The following PPARA variants were observed in gnomAD, a reference collection of about 807,000 sequenced individuals.
PPARA encodes peroxisome proliferator-activated receptor alpha.
PPARA carries 22 observed loss-of-function variants against 42.2 expected under a neutral mutation model. That is an observed-to-expected ratio of 0.52 (90% confidence interval 0.37 to 0.74). The LOEUF (loss-of-function observed/expected upper bound fraction) is 0.74. Ranked by LOEUF, PPARA falls within the 30% of genes least tolerant of loss-of-function variation. The pLI, the probability that PPARA is intolerant of heterozygous loss-of-function variation, is 0.00. For missense variants in PPARA, 465 were observed against 608.2 expected, an observed-to-expected ratio of 0.76 and a Z score of 2.48; for synonymous variants, 242 against 239.3, an observed-to-expected ratio of 1.01 and a Z score of -0.10.
rs1459078201 is a variant in PPARA, at chr22:46,162,248, G to C, written c.-127+10278G>C. On this transcript the variant is annotated intron_variant, in intron 2 of 8. Coordinates refer to ENST00000407236, the MANE Select transcript of PPARA (RefSeq NM_005036.6). The surrounding 1 kb of genome is among the most constrained non-coding windows in gnomAD (Gnocchi z 6.0). Reference sequence around the variant, plus strand: ...GTGTGAGCTTGGTAGGTGCTTCCTTGCTTATCATTGCCTCTCCCATCTTAA... The same window carrying C: ...GTGTGAGCTTGGTAGGTGCTTCCTTCCTTATCATTGCCTCTCCCATCTTAA... 6.6e-6 allele frequency among the ~76,000 whole-genome samples: 1 copy of C among 152,112 alleles called. No individual in the cohort carries two copies.
rs1684102315 is a variant in PPARA at position 46,227,344 on chromosome 22, T to G, written c.712-4448T>G. 6.6e-6 allele frequency among the ~76,000 whole-genome samples: 1 copy of G among 152,126 alleles called. No individual in the cohort carries two copies. Among genetic ancestry groups the G allele is most frequent in the African/African-American group, 2.4e-5 (1 of 41,424 alleles). On this transcript the variant is annotated intron_variant, in intron 7 of 8. Transcript: ENST00000407236. The surrounding 1 kb of genome is among the most constrained non-coding windows in gnomAD (Gnocchi z 4.3). ...TCAGCTCACTGCAACCTCCCCCTCC[T>G]GGGTTCAAGCGATTCTCCTGCCTCA...
In PPARA at chr22:46,216,253, G is replaced by C. The variant is rs1015777115; in HGVS notation, c.369+920G>C. Among the ~76,000 whole-genome samples the C allele has an allele frequency of 5.9e-5, 9 of 151,860 alleles. No homozygotes were observed. The highest frequency in any genetic ancestry group is 8.8e-5 in the Non-Finnish European group (6 of 67,954). ...CAAAAATTAGCCAGGTGTGGTGGTG[G>C]GTGCCTGTAATCCCAGCTACTTGGG... is the stretch of plus-strand genomic sequence containing the variant. On this transcript the variant is annotated intron_variant, in intron 5 of 8. Transcript: ENST00000407236. The surrounding 1 kb of genome is among the most constrained non-coding windows in gnomAD (Gnocchi z 4.5).
chr22:46,197,371 G>A (rs186360328), intron 3 of PPARA, among the ~76,000 whole-genome samples: 84 of 152,120 alleles, frequency 5.5e-4, no homozygotes, highest in African/African-American at 8.7e-4. Context: ...TTTTGTCTCC[G>A]CTGTGTCCCC....
chr22:46,198,318 C>A, intron 3 of PPARA, 24 bp from the exon 4 acceptor site: 1 of 1,338,214 alleles, frequency 7.5e-7, no homozygotes, highest in African/African-American at 1.4e-5. Context: ...GTCAGTCTTA[C>A]CAATTGTTCC....
rs564662150 is a variant in PPARA at position 46,160,931 on chromosome 22, A to T, written c.-127+8961A>T. Among the ~76,000 whole-genome samples, 3 of 152,186 alleles carry T rather than the reference A, an allele frequency of 2.0e-5. No homozygotes were observed. Among genetic ancestry groups the T allele is most frequent in the Non-Finnish European group, 4.4e-5 (3 of 68,028 alleles). ...TCTTTCACTCTGGAAACCAAAAATT[A>T]TTGGCTTTTTTTCCTGTTGCATTCC... On this transcript the variant is annotated intron_variant, in intron 2 of 8. Transcript: ENST00000407236. This position sits in a 1 kb window ranked among gnomAD's most constrained non-coding sequence, Gnocchi z 4.5.
In PPARA at chr22:46,232,344, G is replaced by T; in HGVS notation, c.1159+105G>T. ...TACCAGCCTGAGCTGTTCCAGTGGAGGGGACACTCACATGGTGGGAAGACG... is the reference window on the plus strand; with the variant it reads ...TACCAGCCTGAGCTGTTCCAGTGGATGGGACACTCACATGGTGGGAAGACG... On this transcript the variant is annotated intron_variant, in intron 8 of 8. Transcript: ENST00000407236. The surrounding 1 kb of genome is among the most constrained non-coding windows in gnomAD (Gnocchi z 5.3). 8.6e-7 allele frequency: 1 copy of T among 1,168,192 alleles called. No homozygotes were observed. Among genetic ancestry groups the T allele is most frequent in the South Asian group, 1.2e-5 (1 of 81,710 alleles). 72.4% of individuals were successfully genotyped at this position (1,168,192 alleles called of 1,614,324 possible).
chr22:46,155,902 G>A (rs1314183113), intron 2 of PPARA: 1 of 152,260 alleles, frequency 6.6e-6, no homozygotes, highest in South Asian at 2.1e-4. Context: ...CTTTGGAAAG[G>A]AGCACCATGC....
At position 46,235,110 on chromosome 22, in the gene PPARA, T is replaced by G; in HGVS notation, c.1160-23T>G. ...CTTGGGTGATTATCACACTCAAACC[T>G]CTCTCTCTTCTTTCGAGACTAGATC... On this transcript the variant is annotated intron_variant, in intron 8 of 8. Transcript: ENST00000407236. The surrounding 1 kb of genome is among the most constrained non-coding windows in gnomAD (Gnocchi z 7.0). 6.2e-7 allele frequency: 1 copy of G among 1,613,650 alleles called. No individual in the cohort carries two copies. Among genetic ancestry groups the G allele is most frequent in the Non-Finnish European group, 8.5e-7 (1 of 1,179,624 alleles).
chr22:46,176,443 GC>G (rs1929073665), intron 2 of PPARA, among the ~76,000 whole-genome samples: 2 of 152,118 alleles, frequency 1.3e-5, no homozygotes, highest in Admixed American at 1.3e-4. Context: ...CCAAGATCAT[GC>G]CACTGCACTC....
intron 7 of PPARA, among the ~76,000 whole-genome samples, chr22:46,229,460 G>A (rs1175833882): frequency 6.6e-6 from 1 of 152,008 alleles, no homozygotes; most frequent in Non-Finnish European, 1.5e-5. Flanking sequence ...GGCTGAGGCA[G>A]GAGAATTGCT....
At position 46,215,385 on chromosome 22, in the gene PPARA, G is replaced by T. The variant is rs760996388; in HGVS notation, c.369+52G>T. The T allele has an allele frequency of 2.5e-6, 4 of 1,609,308 alleles. No homozygotes were observed. In the African/African-American group the frequency reaches 5.3e-5, roughly 22 times the overall value. ...GTGGCCGCCACCATCAACTACTTAT[G>T]GTCACTTTTATAGCAAATGGCAGTC... On this transcript the variant is annotated intron_variant, in intron 5 of 8. Coordinates refer to ENST00000407236, the MANE Select transcript of PPARA (RefSeq NM_005036.6).
rs1051887120 is a variant in PPARA, at chr22:46,225,319, C to T, written c.711+5305C>T. Among the ~76,000 whole-genome samples, 1 of 152,030 alleles carries T rather than the reference C, an allele frequency of 6.6e-6. No homozygotes were observed. The highest frequency in any genetic ancestry group is 1.5e-5 in the Non-Finnish European group (1 of 68,012). On this transcript the variant is annotated intron_variant, in intron 7 of 8. Transcript: ENST00000407236. The surrounding 1 kb of genome is among the most constrained non-coding windows in gnomAD (Gnocchi z 4.1). ...GATTTGAGGGTAACAGGGATGGAAG[C>T]AGAGTCAGGGGGCTGAGGGAGGCAA...
rs4253704 is a variant in PPARA at position 46,190,809 on chromosome 22, G to C, written c.-42-7533G>C. 4.6e-5 allele frequency among the ~76,000 whole-genome samples: 7 copies of C among 152,126 alleles called. No homozygotes were observed. The highest frequency in any genetic ancestry group is 1.7e-4 in the African/African-American group (7 of 41,432). On this transcript the variant is annotated intron_variant, in intron 3 of 8. Transcript: ENST00000407236. The surrounding 1 kb of genome is among the most constrained non-coding windows in gnomAD (Gnocchi z 5.6). ...CTCAATTCCATTTGTTGGTTGTCTT[G>C]AGTGTCTGATCACATAGAATATAAA...
In PPARA at chr22:46,203,244, T is replaced by A. The variant is rs1020866981; in HGVS notation, c.208+4653T>A. 6.6e-6 allele frequency among the ~76,000 whole-genome samples: 1 copy of A among 152,206 alleles called. No individual in the cohort carries two copies. The highest frequency in any genetic ancestry group is 1.5e-5 in the Non-Finnish European group (1 of 68,040). On this transcript the variant is annotated intron_variant, in intron 4 of 8. Coordinates refer to ENST00000407236, the MANE Select transcript of PPARA (RefSeq NM_005036.6). The surrounding 1 kb of genome is among the most constrained non-coding windows in gnomAD (Gnocchi z 5.8). ...ATTTGTAAATTAGATCGTTCATATT[T>A]GTACCTAATCTGATCTTTTGGGTAA... is the stretch of plus-strand genomic sequence containing the variant.
rs1328242094 is a variant in PPARA at position 46,225,933 on chromosome 22, A to G, written c.712-5859A>G. 6.6e-6 allele frequency among the ~76,000 whole-genome samples: 1 copy of G among 152,068 alleles called. No individual in the cohort carries two copies. Among genetic ancestry groups the G allele is most frequent in the Admixed American group, 6.6e-5 (1 of 15,248 alleles). Reference sequence around the variant, plus strand: ...TGTGTACACACACACATGCATGCTCACACACATGCACCCAGGCACACACAA... The same window carrying G: ...TGTGTACACACACACATGCATGCTCGCACACATGCACCCAGGCACACACAA... On this transcript the variant is annotated intron_variant, in intron 7 of 8. Coordinates refer to ENST00000407236, the MANE Select transcript of PPARA (RefSeq NM_005036.6). This position sits in a 1 kb window ranked among gnomAD's most constrained non-coding sequence, Gnocchi z 4.1.
At chr22:46,151,106 A>C (rs1017321323) in intron 1 of PPARA, 3 of 152,204 alleles carry the variant, frequency 2.0e-5, no homozygotes, top group African/African-American at 7.2e-5. Flanking sequence ...TCGCCGACTC[A>C]GAAGGTGCTT....
intron 6 of PPARA, 78 bp downstream of exon 6, chr22:46,218,479 T>A (rs1029975340): frequency 1.4e-5 from 23 of 1,590,228 alleles, no homozygotes; most frequent in Non-Finnish European, 1.9e-5. Context: ...CAGATCAAGC[T>A]ATGGATGAAT....
intron 7 of PPARA, among the ~76,000 whole-genome samples, chr22:46,226,257 T>C (rs1214821409): frequency 6.6e-6 from 1 of 152,196 alleles, no homozygotes; most frequent in Admixed American, 6.5e-5. Flanking sequence ...ACACACTTAC[T>C]GTTGCTCAGG....
At chr22:46,168,628 A>G (rs966015693) in intron 2 of PPARA, among the ~76,000 whole-genome samples, 1 of 151,922 alleles carries the variant, frequency 6.6e-6, no homozygotes, top group East Asian at 1.9e-4. Context: ...AACAATGGGC[A>G]TGTCATTTGA....
Sources: allele counts gnomAD v4.1 joint callset (sites outside exome capture counted in the v4.1 genomes callset), GRCh38; gene constraint gnomAD v4.1.1; non-coding constraint Gnocchi (gnomAD v3.1); transcripts MANE v1.5; gene names NCBI Gene and HGNC (gene_info 2026-07-23, HGNC 2026-07-21).